Variants in MRC1 observed in about 807,000 individuals in gnomAD.
MRC1 encodes mannose receptor C-type 1, also known as macrophage mannose receptor 1.
A neutral mutation model predicts 102.9 loss-of-function variants in MRC1; 62 were observed. The observed-to-expected ratio is 0.60, with a 90% CI of 0.49 to 0.74. The LOEUF (loss-of-function observed/expected upper bound fraction) is 0.74. Among genes scored for constraint, MRC1 ranks in the 30% least tolerant of loss-of-function variants. MRC1 has a pLI of 0.00. For synonymous variants in MRC1, 457 were observed against 298.4 expected (o/e 1.53, Z -5.48); for missense variants, 1,237 against 862.8 (o/e 1.43, Z -5.43).
intron 9 of MRC1, among the ~76,000 whole-genome samples, chr10:17,860,564 C>T (rs1554841153): frequency 6.6e-6 from 1 of 152,176 alleles, no homozygotes; most frequent in African/African-American, 2.4e-5. Context: ...AGGCATATGC[C>T]ACTGTGCCTG....
chr10:17,907,992 G>A (rs1397994837), intron 28 of MRC1, among the ~76,000 whole-genome samples: 1 of 152,204 alleles, frequency 6.6e-6, no homozygotes, highest in Non-Finnish European at 1.5e-5. Flanking sequence ...CATCTACAAA[G>A]CCTTATTGCA....
At chr10:17,895,850 A>G (rs1393385981) in intron 23 of MRC1, among the ~76,000 whole-genome samples, 3 of 152,256 alleles carry the variant, frequency 2.0e-5, no homozygotes, top group African/African-American at 7.2e-5. Flanking sequence ...GCAGCAGCAG[A>G]CATAGTGCTT....
At position 17,811,522 on chromosome 10, in the gene MRC1, C is replaced by T. The variant is rs1032096111; in HGVS notation, c.61+1996C>T. Among the ~76,000 whole-genome samples, 272 of 152,066 alleles carry T rather than the reference C, an allele frequency of 1.8e-3. 1 individual carries two copies. The highest frequency in any genetic ancestry group is 3.2e-3 in the Non-Finnish European group (218 of 67,968). On this transcript the variant is annotated intron_variant, in intron 1 of 29. Transcript: ENST00000569591. Reference sequence around the variant, plus strand: ...AACAAACAAAAAATTCAAGGGACCCCCCTTCCAGATTTTTTTTTCCTACGT... The same window carrying T: ...AACAAACAAAAAATTCAAGGGACCCTCCTTCCAGATTTTTTTTTCCTACGT...
intron 1 of MRC1, among the ~76,000 whole-genome samples, chr10:17,816,513 C>G (rs945215237): frequency 6.6e-6 from 1 of 152,150 alleles, no homozygotes; most frequent in African/African-American, 2.4e-5. Context: ...TTCTCCTTGG[C>G]CTCTGATGAA....
At chr10:17,852,367 T>C (rs1247794469) in intron 7 of MRC1, among the ~76,000 whole-genome samples, 2 of 152,224 alleles carry the variant, frequency 1.3e-5, no homozygotes, top group African/African-American at 2.4e-5. Context: ...AGGTACCAAA[T>C]GTCAGGTGCA....
chr10:17,864,545 G>A (rs1554841383), intron 11 of MRC1, among the ~76,000 whole-genome samples: 1 of 151,800 alleles, frequency 6.6e-6, no homozygotes, highest in Non-Finnish European at 1.5e-5. Context: ...AAAAGAAGTG[G>A]AGGTCGGCCG....
At chr10:17,876,513 G>A (rs976604562) in intron 17 of MRC1, among the ~76,000 whole-genome samples, 5 of 152,262 alleles carry the variant, frequency 3.3e-5, no homozygotes, top group Admixed American at 6.5e-5. Context: ...CTCCCAAATT[G>A]CTAGGATTGC....
rs1377967906 is a variant in MRC1 at position 17,816,926 on chromosome 10, A to G, written c.62-6148A>G. Among the ~76,000 whole-genome samples the G allele has an allele frequency of 3.9e-5, 6 of 152,258 alleles. No individual in the cohort carries two copies. In the East Asian group the frequency reaches 5.8e-4, roughly 15 times the overall value. ...GCTTGGGAATTTAATGACTTGTTCAATGTTGCGGCATAATTTTAAAAATGC... is the reference window on the plus strand; with the variant it reads ...GCTTGGGAATTTAATGACTTGTTCAGTGTTGCGGCATAATTTTAAAAATGC... On this transcript the variant is annotated intron_variant, in intron 1 of 29. Transcript: ENST00000569591.
intron 2 of MRC1, among the ~76,000 whole-genome samples, chr10:17,826,650 T>C (rs1306925041): frequency 6.6e-6 from 1 of 152,226 alleles, no homozygotes; most frequent in East Asian, 1.9e-4. Context: ...ACAATGTAGC[T>C]ATGTGCATTG....
At chr10:17,867,603 T>C (rs1293475514) in intron 12 of MRC1, among the ~76,000 whole-genome samples, 1 of 152,068 alleles carries the variant, frequency 6.6e-6, no homozygotes, top group Non-Finnish European at 1.5e-5. Context: ...TCTTATTTTA[T>C]GTAAAGATGG....
chr10:17,870,698 A>G (rs969733192), intron 13 of MRC1, 150 bp from the exon 14 acceptor site: 140 of 753,098 alleles, frequency 1.9e-4, no homozygotes, highest in East Asian at 8.0e-4. Flanking sequence ...CATCTATTGC[A>G]TAAGTCTTCT....
chr10:17,910,810 CT>C lies in MRC1; in HGVS notation c.*346del, dbSNP rs1833958931. On this transcript the variant is annotated 3_prime_UTR_variant, in exon 30 of 30. Coordinates refer to ENST00000569591, the MANE Select transcript of MRC1 (RefSeq NM_002438.4). ...AAGCTTCTTGGCATATTTTAAGGAG[CT>C]CCCAAAATGTGTTACCTATTAAATT... 3.8e-6 allele frequency: 1 copy of C among 265,550 alleles called. No individual in the cohort carries two copies. Among genetic ancestry groups the C allele is most frequent in the African/African-American group, 2.3e-5 (1 of 44,368 alleles). 16.4% of individuals were successfully genotyped at this position (265,550 alleles called of 1,614,324 possible).
In MRC1 at chr10:17,866,718, C is replaced by T. The variant is rs782150866; in HGVS notation, c.1940C>T (p.Pro647Leu). The T allele has an allele frequency of 5.9e-5, 46 of 780,738 alleles. No homozygotes were observed. The highest frequency in any genetic ancestry group is 3.7e-4 in the African/African-American group (22 of 59,190). 48.4% of individuals were successfully genotyped at this position (780,738 alleles called of 1,614,324 possible). Residue 647 changes from proline to leucine, a missense_variant, in exon 12 of 30, where the codon CCG becomes CTG. By Grantham distance (98) the Pro-to-Leu change is moderately conservative. Coordinates refer to ENST00000569591, the MANE Select transcript of MRC1 (RefSeq NM_002438.4). ...KPTTTPEPKC[P>L]EDWGASSRTS... ...ACGACGACTCCCGAACCCAAATGTC[C>T]GGAGGATTGGGGCGCCAGCAGTAGA...
intron 1 of MRC1, among the ~76,000 whole-genome samples, chr10:17,810,221 T>G (rs1280408240): frequency 5.9e-5 from 9 of 152,206 alleles, no homozygotes; most frequent in African/African-American, 1.7e-4. Context: ...GTCTGTCTTT[T>G]CTATTTCTCT....
At position 17,910,259 on chromosome 10, in the gene MRC1, G is replaced by T; in HGVS notation, c.4165G>T (p.Ala1389Ser). The change falls in exon 30 of 30, where the codon GCC (alanine) becomes TCC (serine). Residue 1389 changes from alanine to serine, a missense_variant. Transcript: ENST00000569591. ...MDPSKPSSNV[A>S]GVVIIVILLI... ...CCCTTCTAAACCGTCTTCCAACGTG[G>T]CCGGAGTAGTCATCATTGTGATCCT... 1.3e-6 allele frequency: 1 copy of T among 780,862 alleles called. No individual in the cohort carries two copies. Among genetic ancestry groups the T allele is most frequent in the South Asian group, 1.3e-5 (1 of 74,612 alleles). The allele number at this position is 780,862 out of a possible 1,614,324, so 48.4% of individuals were successfully genotyped here.
At chr10:17,884,009 C>G (rs1833555349) in intron 21 of MRC1, among the ~76,000 whole-genome samples, 1 of 151,998 alleles carries the variant, frequency 6.6e-6, no homozygotes, top group Admixed American at 6.6e-5. Flanking sequence ...CTCTGTTGCA[C>G]AGGCTCAAGT....
intron 25 of MRC1, among the ~76,000 whole-genome samples, 179 bp downstream of exon 25, chr10:17,901,132 G>A (rs1218359279): frequency 4.6e-5 from 7 of 152,012 alleles, no homozygotes; most frequent in Non-Finnish European, 1.0e-4. Flanking sequence ...TCAAAATAAT[G>A]GAGATAAACA....
At chr10:17,857,666 G>A (rs1833114282) in intron 9 of MRC1, among the ~76,000 whole-genome samples, 2 of 152,298 alleles carry the variant, frequency 1.3e-5, no homozygotes, top group East Asian at 1.9e-4. Context: ...CCTGTTTGAG[G>A]CAGTGCTTTC....
At chr10:17,821,413 A>T (rs1162438333) in intron 1 of MRC1, among the ~76,000 whole-genome samples, 1 of 152,182 alleles carries the variant, frequency 6.6e-6, no homozygotes, top group East Asian at 1.9e-4. Flanking sequence ...ACCCAAAAAT[A>T]TACTGCAGTG....
Sources: gnomAD v4.1 joint callset for allele counts (sites outside exome capture counted in the v4.1 genomes callset) on GRCh38, gnomAD v4.1.1 for gene constraint, MANE v1.5 for transcripts, NCBI Gene and HGNC (gene_info 2026-07-23, HGNC 2026-07-21) for gene names.